The following GRIA2 variants were observed in gnomAD, a reference collection of about 807,000 sequenced individuals.
The protein encoded by GRIA2 is glutamate receptor 2.
A neutral mutation model predicts 97.3 loss-of-function variants in GRIA2; 14 were observed. The ratio of observed to expected loss-of-function variants is 0.14; its 90% CI spans 0.10 to 0.23. The LOEUF is 0.23. Among genes scored for constraint, GRIA2 ranks in the 10% least tolerant of loss-of-function variants. The pLI, the probability that GRIA2 is intolerant of heterozygous loss-of-function variation, is 1.00. For missense variants in GRIA2, 558 were observed against 1,069.8 expected (o/e 0.52, Z 6.67); for synonymous variants, 412 against 387.8 (o/e 1.06, Z -0.73).
intron 4 of GRIA2, 129 bp downstream of exon 4, chr4:157,313,004 A>G: frequency 2.0e-6 from 1 of 494,398 alleles, no homozygotes; most frequent in Non-Finnish European, 3.6e-6. Context: ...CGGATGCAGC[A>G]AAGATCATCA....
chr4:157,297,785 CT>C (rs35081248), intron 2 of GRIA2, among the ~76,000 whole-genome samples: 29,409 of 151,622 alleles, frequency 0.19, 3,225 homozygotes, highest in African/African-American at 0.3. Flanking sequence ...TTTCTTTTTT[CT>C]TTTTTTATTC....
At chr4:157,296,016 A>G (rs780991421) in intron 2 of GRIA2, among the ~76,000 whole-genome samples, 2 of 152,176 alleles carry the variant, frequency 1.3e-5, no homozygotes, top group African/African-American at 2.4e-5. Context: ...TGTATGTTCC[A>G]GGCAAAAAAA....
intron 2 of GRIA2, among the ~76,000 whole-genome samples, chr4:157,294,629 A>G (rs1733260030): frequency 6.6e-6 from 1 of 152,166 alleles, no homozygotes; most frequent in African/African-American, 2.4e-5. Flanking sequence ...ATGAGAAAGT[A>G]TGTGATGAAT....
rs1736693586 is a variant in GRIA2 at position 157,362,831 on chromosome 4, T to C, written c.2439T>C (p.Val813=). The part of the protein sequence containing the change: ...EKTSALSLSN[V]AGVFYILVGG... ...CCAGTGCCCTCAGTCTGAGCAACGT[T>C]GCTGGAGTATTCTACATCCTTGTCG... Residue 813 remains valine, a synonymous_variant, in exon 15 of 16, where the codon GTT becomes GTC. Transcript: ENST00000264426. 3 of 1,613,286 alleles carry C rather than the reference T, an allele frequency of 1.9e-6. No individual in the cohort carries two copies. Among genetic ancestry groups the C allele is most frequent in the Admixed American group, 1.7e-5 (1 of 59,940 alleles).
intron 12 of GRIA2, among the ~76,000 whole-genome samples, chr4:157,356,910 A>G (rs1736408481): frequency 6.6e-6 from 1 of 152,172 alleles, no homozygotes; most frequent in Non-Finnish European, 1.5e-5. Flanking sequence ...GGTTGGCACA[A>G]AAGTAATTGT....
chr4:157,238,578 T>C (rs952078259), intron 2 of GRIA2, among the ~76,000 whole-genome samples: 8 of 152,156 alleles, frequency 5.3e-5, no homozygotes, highest in African/African-American at 1.9e-4. Flanking sequence ...GTAAACTTCA[T>C]AGCTTCATAA....
At chr4:157,244,193 C>G (rs1254514686) in intron 2 of GRIA2, among the ~76,000 whole-genome samples, 1 of 151,910 alleles carries the variant, frequency 6.6e-6, no homozygotes, top group African/African-American at 2.4e-5. Context: ...TGTGATTACT[C>G]TCAGGAGGAA....
intron 7 of GRIA2, 102 bp downstream of exon 7, chr4:157,333,088 C>T (rs1735130044): frequency 2.0e-6 from 2 of 1,014,564 alleles, no homozygotes; most frequent in East Asian, 2.5e-5. Context: ...GTCTAATATA[C>T]AGGCAATGTT....
intron 5 of GRIA2, among the ~76,000 whole-genome samples, chr4:157,318,045 TA>T (rs1447465382): frequency 1.3e-5 from 2 of 152,178 alleles, no homozygotes; most frequent in African/African-American, 4.8e-5. Context: ...AATTATGTTT[TA>T]GAATTGCTTC....
chr4:157,248,003 C>T (rs867251321), intron 2 of GRIA2, among the ~76,000 whole-genome samples: 3 of 151,940 alleles, frequency 2.0e-5, no homozygotes, highest in Middle Eastern at 3.4e-3. Flanking sequence ...TAAACTCTGC[C>T]TAGGTTGTAG....
chr4:157,339,920 T>A (rs188909848), intron 11 of GRIA2, among the ~76,000 whole-genome samples: 30 of 151,892 alleles, frequency 2.0e-4, no homozygotes, highest in African/African-American at 6.5e-4. Context: ...ACTTTTTCCA[T>A]CCTTTCATAT....
intron 3 of GRIA2, among the ~76,000 whole-genome samples, chr4:157,310,528 CT>C (rs1253552318): frequency 4.6e-5 from 7 of 151,958 alleles, no homozygotes; most frequent in Admixed American, 2.0e-4. Context: ...ATCTATATCT[CT>C]TTTTTTCCCT....
chr4:157,359,486 C>T (rs1443001010), intron 12 of GRIA2, among the ~76,000 whole-genome samples: 2 of 152,134 alleles, frequency 1.3e-5, no homozygotes, highest in Admixed American at 1.3e-4. Flanking sequence ...GCCTGACCAA[C>T]CCACATTACA....
At chr4:157,262,627 C>T (rs1481076788) in intron 2 of GRIA2, among the ~76,000 whole-genome samples, 1 of 151,974 alleles carries the variant, frequency 6.6e-6, no homozygotes, top group African/African-American at 2.4e-5. Context: ...AGTTTACATG[C>T]CTAGAATCTA....
chr4:157,332,845 C>T lies in GRIA2; in HGVS notation c.909C>T (p.Ala303=), dbSNP rs767317250. The part of the protein sequence containing the change: ...IKYTSALTYD[A]VQVMTEAFRN... ...ATACTTCTGCTCTGACCTATGATGC[C>T]GTTCAAGTGATGACTGAAGCCTTCC... is the stretch of plus-strand genomic sequence containing the variant. Residue 303 remains alanine, a synonymous_variant, in exon 7 of 16, where the codon GCC becomes GCT. Coordinates refer to ENST00000264426, the MANE Select transcript of GRIA2 (RefSeq NM_001083619.3). 17 of 1,612,242 alleles carry T rather than the reference C, an allele frequency of 1.1e-5. No individual in the cohort carries two copies. The highest frequency in any genetic ancestry group is 4.4e-5 in the South Asian group (4 of 90,994).
At chr4:157,320,087 G>A (rs1212858726) in intron 5 of GRIA2, among the ~76,000 whole-genome samples, 1 of 152,072 alleles carries the variant, frequency 6.6e-6, no homozygotes, top group Non-Finnish European at 1.5e-5. Context: ...TCATAGGCAT[G>A]AAATGTTTTC....
chr4:157,260,257 T>C (rs1361444355), intron 2 of GRIA2, among the ~76,000 whole-genome samples: 2 of 152,090 alleles, frequency 1.3e-5, no homozygotes, highest in Non-Finnish European at 2.9e-5. Flanking sequence ...TTTATTCATA[T>C]CAGATTATGT....
intron 4 of GRIA2, among the ~76,000 whole-genome samples, chr4:157,314,967 G>A (rs1319805285): frequency 6.6e-6 from 1 of 152,174 alleles, no homozygotes; most frequent in Non-Finnish European, 1.5e-5. Context: ...TACACAGACA[G>A]CACTACAGAA....
In GRIA2 at chr4:157,298,088, C is replaced by G. The variant is rs183121296; in HGVS notation, c.230-5464C>G. On this transcript the variant is annotated intron_variant, in intron 2 of 15. Transcript: ENST00000264426. Reference sequence around the variant, plus strand: ...TTGGAAGACAGATCCTTGACTGATGCCTTTATGTGATGTGCTTTAGGAAGA... The same window carrying G: ...TTGGAAGACAGATCCTTGACTGATGGCTTTATGTGATGTGCTTTAGGAAGA... 9.9e-5 allele frequency among the ~76,000 whole-genome samples: 15 copies of G among 151,864 alleles called. 1 individual carries two copies. The highest frequency in any genetic ancestry group is 6.6e-4 in the Admixed American group (10 of 15,236).
Sources: gnomAD v4.1 joint callset for allele counts (sites outside exome capture counted in the v4.1 genomes callset) on GRCh38, gnomAD v4.1.1 for gene constraint, MANE v1.5 for transcripts, NCBI Gene and HGNC (gene_info 2026-07-23, HGNC 2026-07-21) for gene names.